The following HADH variants were observed in gnomAD, a reference collection of about 807,000 sequenced individuals.
HADH encodes the protein hydroxyacyl-coenzyme A dehydrogenase, mitochondrial.
Under a neutral mutation model 32.2 loss-of-function variants are expected in HADH, and 24 were observed. The observed-to-expected ratio is 0.75, with a 90% CI of 0.54 to 1.05. The LOEUF is 1.05. HADH is among the 50% of genes least tolerant of loss of function. The probability of loss-of-function intolerance (pLI) is 0.00; values close to 1 mark genes in which losing one functional copy is unlikely to be tolerated. For synonymous variants in HADH, 139 were observed against 152.5 expected, an observed-to-expected ratio of 0.91 and a Z score of 0.65; for missense variants, 350 against 397.1, an observed-to-expected ratio of 0.88 and a Z score of 1.01.
intron 4 of HADH, among the ~76,000 whole-genome samples, chr4:108,021,709 A>C (rs1172473614): frequency 6.6e-6 from 1 of 152,192 alleles, no homozygotes; most frequent in Non-Finnish European, 1.5e-5. Flanking sequence ...CTCCATAGTC[A>C]GCAGTGTTTG....
At chr4:107,990,607 G>GTCAT (rs1300726093) in intron 1 of HADH, among the ~76,000 whole-genome samples, 5 of 152,178 alleles carry the variant, frequency 3.3e-5, no homozygotes, top group Admixed American at 2.0e-4. Context: ...AATAGTAGTA[G>GTCAT]TCATGACTTT....
At chr4:108,005,800 A>G (rs572755781) in intron 1 of HADH, among the ~76,000 whole-genome samples, 18 of 152,284 alleles carry the variant, frequency 1.2e-4, no homozygotes, top group South Asian at 6.2e-4. Flanking sequence ...GCAAACCTCA[A>G]TGGGCTCTGG....
At chr4:107,990,286 G>T (rs1734740230) in intron 1 of HADH, among the ~76,000 whole-genome samples, 1 of 152,192 alleles carries the variant, frequency 6.6e-6, no homozygotes, top group Non-Finnish European at 1.5e-5. Flanking sequence ...CAGCTTCCTC[G>T]TTTGGAAAAT....
chr4:108,004,596 A>G (rs934133897), intron 1 of HADH: 4 of 1,422,386 alleles, frequency 2.8e-6, no homozygotes, highest in African/African-American at 1.4e-5. Context: ...CCAAACTTGA[A>G]GAACCCCAGA....
intron 5 of HADH, chr4:108,027,130 A>G: frequency 5.6e-6 from 1 of 178,002 alleles, no homozygotes; most frequent in Non-Finnish European, 1.2e-5. Flanking sequence ...TGAGTAGCCG[A>G]GGAGTGGCTC....
chr4:108,019,691 G>A (rs750275531), intron 4 of HADH, 25 bp downstream of exon 4: 11 of 1,613,470 alleles, frequency 6.8e-6, no homozygotes, highest in African/African-American at 6.7e-5. Flanking sequence ...GCTTGTGTGT[G>A]TCTGCCCGCT....
At chr4:108,034,122 C>T (rs1578269054) in intron 7 of HADH, 117 bp from the exon 8 acceptor site, 3 of 793,234 alleles carry the variant, frequency 3.8e-6, no homozygotes, top group East Asian at 5.0e-5. Flanking sequence ...GGAGGGGCGC[C>T]ATGCCTGGGG....
chr4:108,033,091 A>T, intron 6 of HADH, 85 bp from the exon 7 acceptor site: 1 of 798,438 alleles, frequency 1.3e-6, no homozygotes. Context: ...AGCATATAAA[A>T]TTCTAGTAAT....
intron 6 of HADH, chr4:108,028,535 T>TA (rs1490608197): frequency 4.1e-6 from 1 of 246,366 alleles, no homozygotes; most frequent in Non-Finnish European, 7.7e-6. Flanking sequence ...ACAAAACATT[T>TA]ACACCAGCTC....
chr4:108,032,621 G>T (rs893247032), intron 6 of HADH: 3 of 422,246 alleles, frequency 7.1e-6, no homozygotes, highest in Admixed American at 3.4e-5. Context: ...GAAGTTTCAG[G>T]CATGGAGACT....
At chr4:107,996,780 G>C (rs1450854238) in intron 1 of HADH, among the ~76,000 whole-genome samples, 2 of 151,988 alleles carry the variant, frequency 1.3e-5, no homozygotes, top group African/African-American at 4.8e-5. Flanking sequence ...TGCAGTCCCA[G>C]CTATTCAGGA....
chr4:108,034,386 C>T lies in HADH; in HGVS notation c.*29C>T, dbSNP rs111624395. ...GCAGCTTCTCCGGCTCTGAGAAGAACACCTGAGAGCGCTTTCCAGCCAGTG... is the reference window on the plus strand; with the variant it reads ...GCAGCTTCTCCGGCTCTGAGAAGAATACCTGAGAGCGCTTTCCAGCCAGTG... On this transcript the variant is annotated 3_prime_UTR_variant, in exon 8 of 8. Coordinates refer to ENST00000309522, the MANE Select transcript of HADH (RefSeq NM_005327.7). 5.9e-4 allele frequency: 774 copies of T among 1,317,462 alleles called. 5 individuals are homozygous for T. The African/African-American group carries it at 0.01, about 18-fold the overall frequency. 81.6% of individuals were successfully genotyped at this position (1,317,462 alleles called of 1,614,324 possible). A position where few individuals can be genotyped will look rare whatever the true frequency, so the allele number is the denominator to read the frequency against.
At position 108,019,618 on chromosome 4, in the gene HADH, C is replaced by T. The variant is rs761678277; in HGVS notation, c.498C>T (p.Phe166=). The change falls in exon 4 of 8, where the codon TTC becomes TTT. Residue 166 remains phenylalanine (F), a synonymous_variant. Transcript: ENST00000309522. ...IANATTRQDR[F]AGLHFFNPVP... The stretch of plus-strand genomic sequence containing the variant: ...ATGCCACCACCAGACAAGACCGATT[C>T]GCTGGCCTCCATTTCTTCAACCCAG... 1.1e-5 allele frequency: 18 copies of T among 1,614,154 alleles called. No individual in the cohort carries two copies. The highest frequency in any genetic ancestry group is 1.7e-5 in the Admixed American group (1 of 60,028).
intron 1 of HADH, among the ~76,000 whole-genome samples, chr4:107,990,409 A>C (rs1734745215): frequency 6.6e-6 from 1 of 152,242 alleles, no homozygotes; most frequent in East Asian, 1.9e-4. Context: ...GTTCAGGCAT[A>C]ACGCGTTTGT....
At chr4:108,006,048 G>A (rs1302871088) in intron 1 of HADH, among the ~76,000 whole-genome samples, 1 of 152,204 alleles carries the variant, frequency 6.6e-6, no homozygotes, top group Non-Finnish European at 1.5e-5. Flanking sequence ...AACAAACATA[G>A]TCAAGGAAGC....
chr4:108,009,962 T>G, intron 2 of HADH, 75 bp downstream of exon 2: 1 of 953,830 alleles, frequency 1.0e-6, no homozygotes, highest in South Asian at 1.5e-5. Context: ...GGGGGATTTC[T>G]GGCTTTCTTT....
rs1468617041 is a variant in HADH, at chr4:108,019,555, C to T, written c.435C>T (p.Ala145=). ...DKFAAEHTIF[A]SNTSSLQITS... The stretch of plus-strand genomic sequence containing the variant: ...CTCTTCACAGACATACAATCTTTGC[C>T]AGCAACACTTCCTCCTTGCAGATTA... The change falls in exon 4 of 8, where the codon GCC becomes GCT. Residue 145 remains alanine, a synonymous_variant. Coordinates refer to ENST00000309522, the MANE Select transcript of HADH (RefSeq NM_005327.7). 1.2e-6 allele frequency: 2 copies of T among 1,613,768 alleles called. No individual in the cohort carries two copies. Among genetic ancestry groups the T allele is most frequent in the Non-Finnish European group, 8.5e-7 (1 of 1,179,668 alleles).
Position 108,034,321 on chromosome 4 carries a change from C to T in HADH, c.909C>T (p.Gly303=), listed in dbSNP as rs1447098039. Residue 303 remains glycine (G), a synonymous_variant, in exon 8 of 8, where the codon GGC becomes GGT. Coordinates refer to ENST00000309522, the MANE Select transcript of HADH (RefSeq NM_005327.7). ...LNKLVAENKF[G]KKTGEGFYKY... ...AGCTGGTAGCAGAGAACAAGTTCGG[C>T]AAGAAGACTGGAGAAGGATTTTACA... The T allele has an allele frequency of 1.2e-6, 2 of 1,611,482 alleles. No individual in the cohort carries two copies. The highest frequency in any genetic ancestry group is 1.1e-5 in the South Asian group (1 of 91,036).
chr4:108,004,554 C>T, intron 1 of HADH: 1 of 1,009,282 alleles, frequency 9.9e-7, no homozygotes, highest in African/African-American at 1.6e-5. Context: ...AGCCTCAAAT[C>T]AACATGTAAC....
Sources: allele counts gnomAD v4.1 joint callset (sites outside exome capture counted in the v4.1 genomes callset), GRCh38; gene constraint gnomAD v4.1.1; transcripts MANE v1.5; gene names NCBI Gene and HGNC (gene_info 2026-07-23, HGNC 2026-07-21).